LRRTM4: variants seen among roughly 807,000 people sequenced by gnomAD.
LRRTM4 encodes the protein leucine-rich repeat transmembrane neuronal protein 4.
LRRTM4 carries 25 observed loss-of-function variants against 47.6 expected under a neutral mutation model. The ratio of observed to expected loss-of-function variants is 0.53; its 90% CI spans 0.38 to 0.73. The LOEUF is 0.73. Among genes scored for constraint, LRRTM4 ranks in the 30% least tolerant of loss-of-function variants. The pLI is 0.00. For synonymous variants in LRRTM4, 311 were observed against 269.5 expected (o/e 1.15, Z -1.51); for missense variants, 638 against 713.4 (o/e 0.89, Z 1.20).
chr2:77,377,680 T>C (rs565710059), intron 3 of LRRTM4, among the ~76,000 whole-genome samples: 1 of 152,138 alleles, frequency 6.6e-6, no homozygotes, highest in Admixed American at 6.6e-5. Context: ...AAACTAAATC[T>C]TACAGAGGTA....
chr2:76,904,744 C>T (rs1460580454), intron 3 of LRRTM4, among the ~76,000 whole-genome samples: 1 of 151,966 alleles, frequency 6.6e-6, no homozygotes, highest in Admixed American at 6.6e-5. Flanking sequence ...TTTTGTATGC[C>T]AGAGCAACAT....
chr2:76,826,134 CAA>C (rs1306983894), intron 3 of LRRTM4, among the ~76,000 whole-genome samples: 4 of 151,614 alleles, frequency 2.6e-5, no homozygotes, highest in African/African-American at 9.7e-5. Flanking sequence ...AGATTTGCTA[CAA>C]AGAGGACCAC....
chr2:77,372,899 G>C (rs1347579199), intron 3 of LRRTM4, among the ~76,000 whole-genome samples: 1 of 150,426 alleles, frequency 6.6e-6, no homozygotes, highest in African/African-American at 2.4e-5. Flanking sequence ...TAGAACAGCT[G>C]GTCAGACACA....
intron 3 of LRRTM4, among the ~76,000 whole-genome samples, chr2:77,274,512 G>A (rs2104079853): frequency 6.6e-6 from 1 of 152,198 alleles, no homozygotes; most frequent in East Asian, 1.9e-4. Flanking sequence ...TAATAATCCT[G>A]TGGCTTTTTT....
In LRRTM4 at chr2:77,086,409, A is replaced by T. The variant is rs888405702; in HGVS notation, c.1552-337493T>A. Among the ~76,000 whole-genome samples the T allele has an allele frequency of 1.9e-4, 28 of 150,718 alleles. No homozygotes were observed. The East Asian group carries it at 2.6e-3, about 14-fold the overall frequency. On this transcript the variant is annotated intron_variant, in intron 3 of 3. Coordinates refer to ENST00000409884, the MANE Select transcript of LRRTM4 (RefSeq NM_001134745.3). Reference sequence around the variant, plus strand: ...TATTTTTTACTTTTTAAACATTTTTAGTGTGTGTATGTGTGTGTATGTGTG... The same window carrying T: ...TATTTTTTACTTTTTAAACATTTTTTGTGTGTGTATGTGTGTGTATGTGTG...
At chr2:76,972,601 G>C (rs1345872058) in intron 3 of LRRTM4, among the ~76,000 whole-genome samples, 3 of 151,650 alleles carry the variant, frequency 2.0e-5, no homozygotes, top group Admixed American at 1.3e-4. Flanking sequence ...TGTATTTTTA[G>C]TAGAGATGGT....
intron 3 of LRRTM4, among the ~76,000 whole-genome samples, chr2:77,300,728 C>T (rs1677114460): frequency 6.6e-6 from 1 of 152,010 alleles, no homozygotes; most frequent in Admixed American, 6.5e-5. Flanking sequence ...TTTAATATGC[C>T]TGCTCATATG....
chr2:77,501,135 T>C (rs1331419898), intron 3 of LRRTM4, among the ~76,000 whole-genome samples: 1 of 150,430 alleles, frequency 6.6e-6, no homozygotes, highest in Non-Finnish European at 1.5e-5. Flanking sequence ...TAATTTTATA[T>C]ATGTATATAT....
intron 3 of LRRTM4, among the ~76,000 whole-genome samples, chr2:76,759,966 AAT>A (rs1673193155): frequency 6.6e-6 from 1 of 152,096 alleles, no homozygotes; most frequent in Admixed American, 6.6e-5. Flanking sequence ...CTCCTTTGCT[AAT>A]AGTTTACCCC....
intron 3 of LRRTM4, among the ~76,000 whole-genome samples, chr2:76,911,944 G>T (rs796345944): frequency 7.1e-6 from 1 of 140,118 alleles, no homozygotes; most frequent in Non-Finnish European, 1.6e-5. Flanking sequence ...TTGGGGGGGG[G>T]GGGGGGACAG....
chr2:77,087,670 G>A (rs1407527637), intron 3 of LRRTM4, among the ~76,000 whole-genome samples: 2 of 152,034 alleles, frequency 1.3e-5, no homozygotes, highest in Non-Finnish European at 2.9e-5. Flanking sequence ...AACAGCATAG[G>A]ATAAAAATAA....
intron 3 of LRRTM4, among the ~76,000 whole-genome samples, chr2:76,883,434 C>T (rs113695894): frequency 1.3e-5 from 2 of 152,134 alleles, no homozygotes; most frequent in Non-Finnish European, 2.9e-5. Context: ...TTCCCAGCCC[C>T]GAGCCCTCCC....
chr2:77,226,639 C>G (rs1674819412), intron 3 of LRRTM4, among the ~76,000 whole-genome samples: 1 of 151,416 alleles, frequency 6.6e-6, no homozygotes, highest in Non-Finnish European at 1.5e-5. Context: ...AATGTTGTCT[C>G]AAAAATTAAA....
chr2:76,878,867 C>A (rs1672849437), intron 3 of LRRTM4, among the ~76,000 whole-genome samples: 1 of 151,926 alleles, frequency 6.6e-6, no homozygotes, highest in African/African-American at 2.4e-5. Flanking sequence ...GAGCAAGACT[C>A]CATCTAAAAT....
At chr2:77,167,309 C>T (rs1208225249) in intron 3 of LRRTM4, among the ~76,000 whole-genome samples, 1 of 152,118 alleles carries the variant, frequency 6.6e-6, no homozygotes, top group Non-Finnish European at 1.5e-5. Context: ...ACAACAGGTG[C>T]TGGAGACGAT....
chr2:77,009,279 G>C (rs1677780164), intron 3 of LRRTM4: 1 of 152,240 alleles, frequency 6.6e-6, no homozygotes, highest in East Asian at 1.9e-4. Context: ...GCGTCTGTAA[G>C]AAATACTATT....
At chr2:76,872,785 G>A (rs1464963252) in intron 3 of LRRTM4, among the ~76,000 whole-genome samples, 2 of 152,072 alleles carry the variant, frequency 1.3e-5, no homozygotes, top group African/African-American at 4.8e-5. Flanking sequence ...GAACCCTCCT[G>A]AATAGCTTGG....
chr2:77,360,498 AT>A, intron 3 of LRRTM4, among the ~76,000 whole-genome samples: 1 of 149,112 alleles, frequency 6.7e-6, no homozygotes, highest in African/African-American at 2.5e-5. Flanking sequence ...ATACGATACG[AT>A]ACGATACGAT....
chr2:77,441,979 AAAAAC>A (rs1379324284), intron 3 of LRRTM4, among the ~76,000 whole-genome samples: 1 of 152,178 alleles, frequency 6.6e-6, no homozygotes, highest in East Asian at 1.9e-4. Flanking sequence ...ACCAGCTTGG[AAAAAC>A]AAAACAAGGC....
Sources: gnomAD v4.1 joint callset for allele counts (sites outside exome capture counted in the v4.1 genomes callset) on GRCh38, gnomAD v4.1.1 for gene constraint, MANE v1.5 for transcripts, NCBI Gene and HGNC (gene_info 2026-07-23, HGNC 2026-07-21) for gene names.